The following CEP152 variants were observed in gnomAD, a reference collection of about 807,000 sequenced individuals.
CEP152 encodes centrosomal protein 152.
CEP152 carries 132 observed loss-of-function variants against 188.9 expected under a neutral mutation model. That is an observed-to-expected ratio of 0.70 (90% CI 0.61 to 0.81). The LOEUF is 0.81. Ranked by LOEUF, CEP152 falls within the 30% of genes least tolerant of loss-of-function variation. CEP152 has a pLI of 0.00. For synonymous variants in CEP152, 649 were observed against 666.6 expected (o/e 0.97, Z 0.41); for missense variants, 1,914 against 1,969.8 (o/e 0.97, Z 0.54).
At chr15:48,800,575 G>A (rs754515428) in intron 2 of CEP152, among the ~76,000 whole-genome samples, 20 of 152,084 alleles carry the variant, frequency 1.3e-4, no homozygotes, top group Non-Finnish European at 2.4e-4. Flanking sequence ...CCTCATTAAA[G>A]ATCTATCAAA....
Position 48,789,149 on chromosome 15 carries a change from C to T in CEP152, c.973-148G>A. On this transcript the variant is annotated intron_variant, in intron 8 of 26. Coordinates refer to ENST00000380950, the MANE Select transcript of CEP152 (RefSeq NM_001194998.2). Reference sequence around the variant, plus strand: ...GAAGGGGTCTCCGCTCATCATGGCTCAAGCTCCTTAAAACAACCCTAGCTG... The same window carrying T: ...GAAGGGGTCTCCGCTCATCATGGCTTAAGCTCCTTAAAACAACCCTAGCTG... 1.6e-5 allele frequency: 12 copies of T among 741,778 alleles called. 1 individual carries two copies. In the South Asian group the frequency reaches 1.9e-4, roughly 12 times the overall value. The allele number at this position is 741,778 out of a possible 1,614,324, so 45.9% of individuals were successfully genotyped here. A position where few individuals can be genotyped will look rare whatever the true frequency, so the allele number is the denominator to read the frequency against.
chr15:48,807,173 T>C (rs914451011), intron 1 of CEP152, among the ~76,000 whole-genome samples: 15 of 152,138 alleles, frequency 9.9e-5, no homozygotes, highest in African/African-American at 3.1e-4. Flanking sequence ...TTTCTACCCT[T>C]GTGACAGGGC....
chr15:48,747,752 G>A (rs1893555213), intron 22 of CEP152, among the ~76,000 whole-genome samples: 1 of 152,192 alleles, frequency 6.6e-6, no homozygotes, highest in Admixed American at 6.5e-5. Context: ...ATAAGCGATA[G>A]TGAAAGGTAA....
intron 1 of CEP152, among the ~76,000 whole-genome samples, chr15:48,806,983 A>G (rs1174323431): frequency 6.6e-6 from 1 of 152,142 alleles, no homozygotes; most frequent in African/African-American, 2.4e-5. Flanking sequence ...CCCCTATGAC[A>G]AGTTTTTGTT....
At chr15:48,802,457 AT>A (rs1333287521) in intron 2 of CEP152, among the ~76,000 whole-genome samples, 1 of 152,190 alleles carries the variant, frequency 6.6e-6, no homozygotes, top group Non-Finnish European at 1.5e-5. Context: ...TCTGTCGACT[AT>A]TTTTAAGAGA....
At chr15:48,796,674 G>A (rs1897321752) in intron 5 of CEP152, among the ~76,000 whole-genome samples, 1 of 152,070 alleles carries the variant, frequency 6.6e-6, no homozygotes, top group South Asian at 2.1e-4. Context: ...AATCCATCCT[G>A]TCATTGCGTG....
rs71120641 is a variant in CEP152 at position 48,798,261 on chromosome 15, C to CT, written c.88-211dup. Among the ~76,000 whole-genome samples, 2,022 of 145,560 alleles carry CT rather than the reference C, an allele frequency of 0.014. 31 individuals carry two copies. Among genetic ancestry groups the CT allele is most frequent in the African/African-American group, 0.047 (1,864 of 39,344 alleles). On this transcript the variant is annotated intron_variant, in intron 2 of 26. Coordinates refer to ENST00000380950, the MANE Select transcript of CEP152 (RefSeq NM_001194998.2). ...TAATTTTAGGATTTATATCAGAAGG[C>CT]TTTTTTTTTTTTTAACGAAGATCTC...
chr15:48,799,470 G>A (rs910034492), intron 2 of CEP152, among the ~76,000 whole-genome samples: 3 of 151,982 alleles, frequency 2.0e-5, no homozygotes, highest in African/African-American at 7.2e-5. Context: ...ATATTCACTG[G>A]ATGGGTTTTT....
intron 26 of CEP152, chr15:48,741,394 A>G: frequency 1.4e-6 from 2 of 1,407,140 alleles, no homozygotes; most frequent in Non-Finnish European, 1.8e-6. Context: ...GGAAGCAGCA[A>G]TAGGAAACTG....
At chr15:48,743,386 T>C (rs1893153723) in intron 24 of CEP152, among the ~76,000 whole-genome samples, 1 of 152,236 alleles carries the variant, frequency 6.6e-6, no homozygotes, top group Non-Finnish European at 1.5e-5. Context: ...ATTCTATGCA[T>C]ATTAGAATTA....
downstream of CEP152, among the ~76,000 whole-genome samples, chr15:48,736,716 A>C (rs2140533605): frequency 6.6e-6 from 1 of 152,340 alleles, no homozygotes; most frequent in Non-Finnish European, 1.5e-5. Flanking sequence ...GTATCAAAAA[A>C]GATTAAGGAT....
chr15:48,781,355 T>C lies in CEP152; in HGVS notation c.1418A>G (p.Glu473Gly), dbSNP rs778398210. Residue 473 changes from glutamate (E) to glycine (G), a missense_variant, in exon 12 of 27, where the codon GAA (glutamate) becomes GGA (glycine). Coordinates refer to ENST00000380950, the MANE Select transcript of CEP152 (RefSeq NM_001194998.2). ...AATTTCATCTTTTAGTTCTGTTAAT[T>C]CTTCCTACAACACAAAATTATTAAA... ...SANMNKALQE[E>G]LTELKDEISL... is the part of the protein sequence containing the mutation. 3 of 1,595,598 alleles carry C rather than the reference T, an allele frequency of 1.9e-6. No individual in the cohort carries two copies. In the South Asian group the frequency reaches 3.3e-5, roughly 18 times the overall value.
rs571480534 is a variant in CEP152 at position 48,769,098 on chromosome 15, CA to C, written c.1783-18del. On this transcript the variant is annotated intron_variant, in intron 13 of 26. Transcript: ENST00000380950. ...TGTTTTAGTCTGAATATTAAAAGGT[CA>C]AAAGTTTTACAAGTTTTAAAAAATT... 1.8e-4 allele frequency: 280 copies of C among 1,590,322 alleles called. 1 individual carries two copies. The East Asian group carries it at 5.5e-3, about 31-fold the overall frequency.
chr15:48,766,956 T>A lies in CEP152; in HGVS notation c.2280+104A>T, dbSNP rs1895156334. The stretch of plus-strand genomic sequence containing the variant: ...GCCAAAAGTAAAGAGAACATATGAA[T>A]ACCTTCTCCATTCACTTCTCTAGAA... On this transcript the variant is annotated intron_variant, in intron 17 of 26. Transcript: ENST00000380950. 2.1e-6 allele frequency: 3 copies of A among 1,443,956 alleles called. No homozygotes were observed. In the South Asian group the frequency reaches 3.4e-5, roughly 17 times the overall value. The allele number at this position is 1,443,956 out of a possible 1,614,324, so 89.4% of individuals were successfully genotyped here. A position where few individuals can be genotyped will look rare whatever the true frequency, so the allele number is the denominator to read the frequency against.
chr15:48,734,401 A>AC (rs1892528585), downstream of CEP152, among the ~76,000 whole-genome samples: 1 of 151,650 alleles, frequency 6.6e-6, no homozygotes, highest in Non-Finnish European at 1.5e-5. Context: ...ATAGCTAAAA[A>AC]AAAAAAGGTT....
At chr15:48,741,845 G>A in intron 25 of CEP152, 102 bp downstream of exon 25, 1 of 1,610,728 alleles carries the variant, frequency 6.2e-7, no homozygotes, top group Non-Finnish European at 8.5e-7. Flanking sequence ...CCCTATGGCT[G>A]ATCATGTAGA....
intron 16 of CEP152, 55 bp from the exon 17 acceptor site, chr15:48,767,247 C>G (rs1468081575): frequency 2.5e-6 from 4 of 1,613,792 alleles, no homozygotes; most frequent in African/African-American, 2.7e-5. Flanking sequence ...AATACAAGAG[C>G]TGCATAACAA....
chr15:48,771,668 C>T (rs1895541410), intron 13 of CEP152, among the ~76,000 whole-genome samples: 1 of 152,094 alleles, frequency 6.6e-6, no homozygotes, highest in South Asian at 2.1e-4. Flanking sequence ...CATACAGATG[C>T]TTTTCAACTT....
At chr15:48,762,231 T>C (rs968870034) in intron 18 of CEP152, among the ~76,000 whole-genome samples, 160 bp downstream of exon 18, 1 of 152,142 alleles carries the variant, frequency 6.6e-6, no homozygotes, top group Non-Finnish European at 1.5e-5. Context: ...ACAGAAATAT[T>C]ATGAAGAAAA....
Sources: allele counts gnomAD v4.1 joint callset (sites outside exome capture counted in the v4.1 genomes callset), GRCh38; gene constraint gnomAD v4.1.1; transcripts MANE v1.5; gene names NCBI Gene and HGNC (gene_info 2026-07-23, HGNC 2026-07-21).